PAIP2B: variants seen among roughly 807,000 people sequenced by gnomAD.
The protein encoded by PAIP2B is polyadenylate-binding protein-interacting protein 2B.
A neutral mutation model predicts 17.0 loss-of-function variants in PAIP2B; 13 were observed. The observed-to-expected ratio is 0.76, with a 90% CI of 0.50 to 1.22. The LOEUF (loss-of-function observed/expected upper bound fraction) is 1.22, where lower values mean the gene tolerates loss of function less well. Ranked by LOEUF, PAIP2B falls within the 50% of genes most tolerant of loss-of-function variation. The pLI is 0.00. For synonymous variants in PAIP2B, 43 were observed against 48.7 expected (o/e 0.88, Z 0.48); for missense variants, 117 against 144.5 (o/e 0.81, Z 0.98).
chr2:71,199,551 C>T (rs2103776755), intron 2 of PAIP2B, among the ~76,000 whole-genome samples: 1 of 151,564 alleles, frequency 6.6e-6, no homozygotes, highest in African/African-American at 2.4e-5. Context: ...CCTTTTTTTC[C>T]CCCTTAACCC....
intron 1 of PAIP2B, among the ~76,000 whole-genome samples, chr2:71,208,030 C>T (rs1341917473): frequency 6.6e-6 from 1 of 152,028 alleles, no homozygotes; most frequent in Non-Finnish European, 1.5e-5. Flanking sequence ...TAAATGGTAA[C>T]TGAAGTCATA....
At chr2:71,195,634 C>A (rs1241790754) in intron 2 of PAIP2B, among the ~76,000 whole-genome samples, 1 of 151,946 alleles carries the variant, frequency 6.6e-6, no homozygotes. Context: ...CAGCTACTAG[C>A]CTATTTCATT....
intron 2 of PAIP2B, among the ~76,000 whole-genome samples, chr2:71,198,476 G>A (rs1169588521): frequency 2.7e-5 from 4 of 148,208 alleles, no homozygotes; most frequent in East Asian, 3.9e-4. Flanking sequence ...TAGTAGAGAC[G>A]GGGTTTCACC....
chr2:71,205,912 C>T (rs934803431), intron 1 of PAIP2B, among the ~76,000 whole-genome samples: 2 of 152,152 alleles, frequency 1.3e-5, no homozygotes, highest in Admixed American at 1.3e-4. Flanking sequence ...AATGAACCAT[C>T]ATGTAAGTGA....
At chr2:71,214,197 G>C (rs967547584) in intron 1 of PAIP2B, among the ~76,000 whole-genome samples, 1 of 152,096 alleles carries the variant, frequency 6.6e-6, no homozygotes, top group African/African-American at 2.4e-5. Flanking sequence ...TTAAGCTTAG[G>C]TCTTTCTGGT....
chr2:71,218,412 A>C (rs941950301), intron 1 of PAIP2B, among the ~76,000 whole-genome samples: 15 of 152,142 alleles, frequency 9.9e-5, no homozygotes, highest in African/African-American at 2.9e-4. Flanking sequence ...GCCAATAAGC[A>C]TATTAAAAAG....
At position 71,189,937 on chromosome 2, in the gene PAIP2B, G is replaced by C; in HGVS notation, c.223C>G (p.Pro75Ala). ...ATGGCCTGAGGCAGGTCTCGTGAGG[G>C]AATAAACCAGTCTTGGTCTTCTTCA... Reference protein sequence around the residue: ...LDEEDQDWFIPSRDLPQAMGQ... With the variant: ...LDEEDQDWFIASRDLPQAMGQ... The change falls in exon 3 of 4, where the codon CCC becomes GCC. Residue 75 changes from proline (P) to alanine (A), a missense_variant. Physicochemically the swap from Pro to Ala is conservative, Grantham distance 27. Coordinates refer to ENST00000244221, the MANE Select transcript of PAIP2B (RefSeq NM_020459.1). The C allele has an allele frequency of 6.2e-7, 1 of 1,608,276 alleles. No homozygotes were observed.
intron 1 of PAIP2B, among the ~76,000 whole-genome samples, chr2:71,210,437 C>T (rs1195624988): frequency 6.6e-6 from 1 of 152,188 alleles, no homozygotes; most frequent in Admixed American, 6.5e-5. Flanking sequence ...AATAAGTAGT[C>T]ATTCTGCTAA....
At position 71,187,510 on chromosome 2, in the gene PAIP2B, G is replaced by A. The variant is rs961832558; in HGVS notation, c.*969C>T. The A allele has an allele frequency of 2.0e-5, 3 of 152,144 alleles. No individual in the cohort carries two copies. Among genetic ancestry groups the A allele is most frequent in the Admixed American group, 1.3e-4 (2 of 15,276 alleles). 9.4% of individuals were successfully genotyped at this position (152,144 alleles called of 1,614,324 possible). On this transcript the variant is annotated 3_prime_UTR_variant, in exon 4 of 4. Transcript: ENST00000244221. ...CTTAAAAAAGTGCATAAACTTGTCT[G>A]AGGGAATTAAGACACCAGGAAGACC...
intron 1 of PAIP2B, among the ~76,000 whole-genome samples, chr2:71,217,888 G>A (rs1443005067): frequency 6.6e-6 from 1 of 152,080 alleles, no homozygotes; most frequent in African/African-American, 2.4e-5. Context: ...GCAGCATAGC[G>A]AATTCTTATC....
At chr2:71,210,511 C>G (rs1389844511) in intron 1 of PAIP2B, among the ~76,000 whole-genome samples, 1 of 152,122 alleles carries the variant, frequency 6.6e-6, no homozygotes, top group Non-Finnish European at 1.5e-5. Context: ...GATGCAAGAA[C>G]AGTGCTTGCA....
chr2:71,192,236 G>C (rs1167467938), intron 2 of PAIP2B, among the ~76,000 whole-genome samples: 8 of 149,346 alleles, frequency 5.4e-5, no homozygotes, highest in Non-Finnish European at 7.4e-5. Flanking sequence ...ATTGCATTTT[G>C]CTGTATTTTG....
intron 2 of PAIP2B, among the ~76,000 whole-genome samples, chr2:71,196,839 T>C (rs541870279): frequency 2.0e-5 from 3 of 152,328 alleles, no homozygotes; most frequent in African/African-American, 7.2e-5. Context: ...TTGCAACCCC[T>C]GCTTTTTTCT....
chr2:71,187,018 G>A lies in PAIP2B; in HGVS notation c.*1461C>T, dbSNP rs963207435. 15 of 152,164 alleles carry A rather than the reference G, an allele frequency of 9.9e-5. No individual in the cohort carries two copies. Among genetic ancestry groups the A allele is most frequent in the Non-Finnish European group, 8.8e-5 (6 of 68,090 alleles). The allele number at this position is 152,164 out of a possible 1,614,324, so 9.4% of individuals were successfully genotyped here. A position where few individuals can be genotyped will look rare whatever the true frequency, so the allele number is the denominator to read the frequency against. The stretch of plus-strand genomic sequence containing the variant: ...TGAATTTATACCAACTTTGTTTCAA[G>A]TTACATATCTTTTCCCTATTAGGCC... On this transcript the variant is annotated 3_prime_UTR_variant, in exon 4 of 4. Coordinates refer to ENST00000244221, the MANE Select transcript of PAIP2B (RefSeq NM_020459.1).
intron 2 of PAIP2B, among the ~76,000 whole-genome samples, chr2:71,196,397 T>G (rs535849894): frequency 6.6e-6 from 1 of 152,320 alleles, no homozygotes; most frequent in South Asian, 2.1e-4. Flanking sequence ...TTCGGTTCTT[T>G]TACACTTGTT....
At chr2:71,192,699 T>G (rs550395672) in intron 2 of PAIP2B, among the ~76,000 whole-genome samples, 3 of 152,296 alleles carry the variant, frequency 2.0e-5, no homozygotes, top group East Asian at 3.9e-4. Context: ...TTTGGTTTCC[T>G]GTTCCTGTGT....
intron 2 of PAIP2B, among the ~76,000 whole-genome samples, chr2:71,192,283 A>C (rs1674705650): frequency 1.3e-5 from 2 of 149,210 alleles, no homozygotes; most frequent in East Asian, 2.0e-4. Flanking sequence ...TTTTTTTACA[A>C]ATTGAAGGTT....
intron 1 of PAIP2B, among the ~76,000 whole-genome samples, chr2:71,204,409 TTTTTA>T (rs1022382009): frequency 5.3e-5 from 8 of 152,162 alleles, no homozygotes; most frequent in Non-Finnish European, 1.0e-4. Flanking sequence ...AGGTTTTTTG[TTTTTA>T]TTTTTTGTTT....
At chr2:71,224,321 A>T (rs1675667581) in intron 1 of PAIP2B, among the ~76,000 whole-genome samples, 1 of 152,178 alleles carries the variant, frequency 6.6e-6, no homozygotes, top group African/African-American at 2.4e-5. Context: ...TAATTTTGTA[A>T]TCTGTGTGAG....
Sources: gnomAD v4.1 joint callset for allele counts (sites outside exome capture counted in the v4.1 genomes callset) on GRCh38, gnomAD v4.1.1 for gene constraint, MANE v1.5 for transcripts, NCBI Gene and HGNC (gene_info 2026-07-23, HGNC 2026-07-21) for gene names.